VEPH1: variants seen among roughly 807,000 people sequenced by gnomAD.
VEPH1 encodes the protein ventricular zone-expressed PH domain-containing protein homolog 1.
A neutral mutation model predicts 85.2 loss-of-function variants in VEPH1; 80 were observed. That is an observed-to-expected ratio of 0.94 (90% CI 0.78 to 1.13). VEPH1 has a LOEUF of 1.13. VEPH1 is among the 50% of genes most tolerant of loss of function. VEPH1 has a pLI of 0.00. For missense variants in VEPH1, 955 were observed against 980.5 expected, an observed-to-expected ratio of 0.97 and a Z score of 0.35; for synonymous variants, 297 against 348.0, an observed-to-expected ratio of 0.85 and a Z score of 1.63.
intron 3 of VEPH1, among the ~76,000 whole-genome samples, chr3:157,464,562 A>C (rs1297693593): frequency 1.3e-5 from 2 of 152,238 alleles, no homozygotes. Context: ...GAAGTGCAGC[A>C]TAGAAATAGA....
chr3:157,272,102 T>C (rs1714633058), intron 12 of VEPH1, among the ~76,000 whole-genome samples: 1 of 151,944 alleles, frequency 6.6e-6, no homozygotes, highest in African/African-American at 2.4e-5. Context: ...AAATCAGGAC[T>C]GTAAGGTGGA....
chr3:157,413,649 T>C (rs1370857698), intron 6 of VEPH1: 3 of 985,324 alleles, frequency 3.0e-6, no homozygotes, highest in East Asian at 1.1e-4. Flanking sequence ...TCAGAGGCCA[T>C]TGTCCATGTA....
chr3:157,416,324 G>C (rs2109046716), intron 5 of VEPH1, among the ~76,000 whole-genome samples: 1 of 151,960 alleles, frequency 6.6e-6, no homozygotes, highest in African/African-American at 2.4e-5. Context: ...ATCCTATATA[G>C]AGATTTAAAC....
At chr3:157,323,347 C>A (rs933982879) in intron 9 of VEPH1, among the ~76,000 whole-genome samples, 3 of 152,128 alleles carry the variant, frequency 2.0e-5, no homozygotes, top group Admixed American at 6.5e-5. Flanking sequence ...GTTTTCAGAG[C>A]TCGGTTCTGT....
chr3:157,329,607 T>C (rs938970535), intron 9 of VEPH1, among the ~76,000 whole-genome samples: 1 of 147,250 alleles, frequency 6.8e-6, no homozygotes, highest in African/African-American at 2.4e-5. Context: ...ATAATTAATA[T>C]TAAACAGAGT....
At chr3:157,363,246 A>C (rs948128957) in intron 9 of VEPH1, 118 bp downstream of exon 9, 3 of 1,042,388 alleles carry the variant, frequency 2.9e-6, no homozygotes, top group Non-Finnish European at 4.1e-6. Context: ...ATTTAAAAAA[A>C]ATGATCTATT....
intron 2 of VEPH1, among the ~76,000 whole-genome samples, chr3:157,491,280 C>T (rs1313003393): frequency 6.6e-6 from 1 of 151,898 alleles, no homozygotes; most frequent in Non-Finnish European, 1.5e-5. Flanking sequence ...AACTGGAAGG[C>T]GGGTGGATCG....
At chr3:157,265,704 T>C (rs1268163566) in intron 12 of VEPH1, 42 bp from the exon 13 acceptor site, 1 of 1,604,492 alleles carries the variant, frequency 6.2e-7, no homozygotes, top group Non-Finnish European at 8.5e-7. Context: ...TATTTTCCAA[T>C]ATTTACTAGG....
intron 4 of VEPH1, among the ~76,000 whole-genome samples, chr3:157,454,814 T>C (rs115072820): frequency 0.018 from 2,774 of 152,270 alleles, 44 homozygotes; most frequent in Middle Eastern, 0.041. Context: ...TGTCCACATG[T>C]ACCCAATGAT....
At chr3:157,488,696 C>T (rs1738906950) in intron 2 of VEPH1, among the ~76,000 whole-genome samples, 1 of 152,040 alleles carries the variant, frequency 6.6e-6, no homozygotes, top group South Asian at 2.1e-4. Context: ...CCAGACTTCT[C>T]TCCTGCTCCA....
intron 9 of VEPH1, among the ~76,000 whole-genome samples, chr3:157,321,756 G>C (rs1275813777): frequency 1.3e-5 from 2 of 151,954 alleles, no homozygotes; most frequent in East Asian, 3.9e-4. Context: ...AGTGGGAGCA[G>C]ACCAAAAGCT....
At chr3:157,341,506 C>T (rs373355418) in intron 9 of VEPH1, among the ~76,000 whole-genome samples, 4 of 152,030 alleles carry the variant, frequency 2.6e-5, no homozygotes, top group Admixed American at 6.6e-5. Flanking sequence ...ACAAAGCCTC[C>T]AAGAAATATG....
chr3:157,467,218 G>T (rs747359755), intron 3 of VEPH1, among the ~76,000 whole-genome samples: 1 of 151,768 alleles, frequency 6.6e-6, no homozygotes, highest in African/African-American at 2.4e-5. Flanking sequence ...GGCCAAGGGT[G>T]CAGGAAGAAG....
At chr3:157,262,799 T>C (rs763056193) in intron 13 of VEPH1, among the ~76,000 whole-genome samples, 1 of 152,188 alleles carries the variant, frequency 6.6e-6, no homozygotes, top group Non-Finnish European at 1.5e-5. Context: ...TTTTTCAAAA[T>C]TCTTTTAGGG....
At chr3:157,380,706 T>C (rs1311435358) in intron 7 of VEPH1, among the ~76,000 whole-genome samples, 1 of 152,196 alleles carries the variant, frequency 6.6e-6, no homozygotes, top group Non-Finnish European at 1.5e-5. Context: ...AGCATAACCT[T>C]TCGGCCATTC....
chr3:157,413,096 T>C (rs926457676), intron 6 of VEPH1, among the ~76,000 whole-genome samples: 6 of 152,134 alleles, frequency 3.9e-5, no homozygotes, highest in African/African-American at 1.4e-4. Context: ...AATTATATTA[T>C]ATATAAATGG....
At chr3:157,274,857 AGTAAACTGCCATTTACAAGACT>A (rs1360238829) in intron 12 of VEPH1, among the ~76,000 whole-genome samples, 2 of 152,164 alleles carry the variant, frequency 1.3e-5, no homozygotes, top group African/African-American at 4.8e-5. Flanking sequence ...TTTACAAGAC[AGTAAACTGCCATTTACAAGACT>A]GTAAACTTCC....
chr3:157,335,157 G>A lies in VEPH1; in HGVS notation c.1736-17956C>T, dbSNP rs536208107. Among the ~76,000 whole-genome samples the A allele has an allele frequency of 3.9e-5, 6 of 152,198 alleles. No homozygotes were observed. The South Asian group carries it at 1.0e-3, about 26-fold the overall frequency. ...AAAAGCCCAAAGTGTGTTGGCACTG[G>A]GAAATTGGGAGGTGTTTTTTTCTTT... On this transcript the variant is annotated intron_variant, in intron 9 of 13. Transcript: ENST00000362010.
intron 4 of VEPH1, among the ~76,000 whole-genome samples, chr3:157,447,197 T>C (rs1311561247): frequency 6.6e-6 from 1 of 152,212 alleles, no homozygotes; most frequent in Non-Finnish European, 1.5e-5. Context: ...TCCAAATCTA[T>C]GCAGGCCTTG....
Sources: gnomAD v4.1 joint callset for allele counts (sites outside exome capture counted in the v4.1 genomes callset) on GRCh38, gnomAD v4.1.1 for gene constraint, MANE v1.5 for transcripts, NCBI Gene and HGNC (gene_info 2026-07-23, HGNC 2026-07-21) for gene names.